Variants in RTRAF observed in about 807,000 individuals in gnomAD.
The protein encoded by RTRAF is RNA transcription, translation and transport factor, also known as tRNA-splicing ligase complex subunit RTRAF.
A neutral mutation model predicts 34.4 loss-of-function variants in RTRAF; 14 were observed. The observed-to-expected ratio is 0.41, with a 90% CI of 0.27 to 0.64. The LOEUF is 0.64. Among genes scored for constraint, RTRAF ranks in the 30% least tolerant of loss-of-function variants. The pLI, the probability that RTRAF is intolerant of heterozygous loss-of-function variation, is 0.34. For synonymous variants in RTRAF, 96 were observed against 95.3 expected, an observed-to-expected ratio of 1.01 and a Z score of -0.04; for missense variants, 291 against 288.4, an observed-to-expected ratio of 1.01 and a Z score of -0.06.
Position 52,005,401 on chromosome 14 carries a change from T to C in RTRAF, c.*885T>C. 7.4e-7 allele frequency: 1 copy of C among 1,357,434 alleles called. No homozygotes were observed. The highest frequency in any genetic ancestry group is 9.9e-7 in the Non-Finnish European group (1 of 1,014,700). The allele number at this position is 1,357,434 out of a possible 1,614,324, so 84.1% of individuals were successfully genotyped here. ...GGAACGTCTAATGGCCAATTCCTTT[T>C]TTACTTTCTTTGCCTTTGCAGTCAC... is the stretch of plus-strand genomic sequence containing the variant. On this transcript the variant is annotated 3_prime_UTR_variant, in exon 8 of 8. Transcript: ENST00000261700.
intron 3 of RTRAF, among the ~76,000 whole-genome samples, chr14:51,994,995 G>T (rs551282269): frequency 1.1e-4 from 16 of 151,038 alleles, no homozygotes; most frequent in Non-Finnish European, 2.1e-4. Context: ...TTATGTCTTA[G>T]CAGCAGTATA....
intron 3 of RTRAF, among the ~76,000 whole-genome samples, chr14:51,994,538 T>G (rs1890486997): frequency 6.6e-6 from 1 of 152,192 alleles, no homozygotes; most frequent in Non-Finnish European, 1.5e-5. Context: ...CCCATTGGCA[T>G]AATCCTAATT....
In RTRAF at chr14:51,998,461, T is replaced by C. The variant is rs745690303; in HGVS notation, c.287-33T>C. On this transcript the variant is annotated intron_variant, in intron 3 of 7. Coordinates refer to ENST00000261700, the MANE Select transcript of RTRAF (RefSeq NM_016039.3). ...GTAGTCATTTTACCTTGAGTTGCAG[T>C]TGTACAAATTATATTTTTGCCTGTT... The C allele has an allele frequency of 2.3e-6, 3 of 1,324,884 alleles. No individual in the cohort carries two copies. The African/African-American group carries it at 4.5e-5, about 20-fold the overall frequency. 82.1% of individuals were successfully genotyped at this position (1,324,884 alleles called of 1,614,324 possible).
chr14:52,009,772 G>A lies in RTRAF; in HGVS notation c.*5256G>A, dbSNP rs1594998102. On this transcript the variant is annotated 3_prime_UTR_variant, in exon 8 of 8. Coordinates refer to ENST00000261700, the MANE Select transcript of RTRAF (RefSeq NM_016039.3). ...GCACTTTGGGAGGCCAAGGCAGGTGGATCACCCAGGGTCAGGAGTTGGAGA... is the reference window on the plus strand; with the variant it reads ...GCACTTTGGGAGGCCAAGGCAGGTGAATCACCCAGGGTCAGGAGTTGGAGA... The A allele has an allele frequency of 1.3e-5, 2 of 152,306 alleles. No individual in the cohort carries two copies. Among genetic ancestry groups the A allele is most frequent in the South Asian group, 2.1e-4 (1 of 4,832 alleles). 9.4% of individuals were successfully genotyped at this position (152,306 alleles called of 1,614,324 possible).
intron 3 of RTRAF, 49 bp from the exon 4 acceptor site, chr14:51,998,445 T>G: frequency 3.5e-6 from 4 of 1,149,242 alleles, no homozygotes; most frequent in Non-Finnish European, 4.9e-6. Flanking sequence ...AGTAGTCATT[T>G]TACCTTGAGT....
At chr14:51,992,719 A>G (rs909012189) in intron 2 of RTRAF, among the ~76,000 whole-genome samples, 3 of 152,206 alleles carry the variant, frequency 2.0e-5, no homozygotes, top group Admixed American at 1.3e-4. Context: ...GCATGTAGAA[A>G]GGTATCTGGA....
chr14:51,989,597 C>G lies in RTRAF; in HGVS notation c.-43C>G, dbSNP rs1314474826. 6.4e-7 allele frequency: 1 copy of G among 1,563,556 alleles called. No individual in the cohort carries two copies. On this transcript the variant is annotated 5_prime_UTR_variant, in exon 1 of 8. Coordinates refer to ENST00000261700, the MANE Select transcript of RTRAF (RefSeq NM_016039.3). ...CCTCCCGCTCCACCTCGCTTCTTCT[C>G]TCCCGGCCGAGGCCCGGGGGACCAG...
rs977173402 is a variant in RTRAF, at chr14:51,999,772, T to A, written c.438T>A (p.His146Gln). Residue 146 changes from histidine to glutamine, a missense_variant, in exon 5 of 8, where the codon CAT becomes CAA. His to Gln is a conservative substitution (Grantham distance 24). Coordinates refer to ENST00000261700, the MANE Select transcript of RTRAF (RefSeq NM_016039.3). ...CTAACCTGCTTCAGATTCAGCGTCA[T>A]GATGATTACCTGGTAATGCTTAAGG... ...ALANLLQIQR[H>Q]DDYLVMLKAI... The A allele has an allele frequency of 3.7e-6, 6 of 1,610,460 alleles. No homozygotes were observed. The highest frequency in any genetic ancestry group is 5.1e-6 in the Non-Finnish European group (6 of 1,177,358).
intron 3 of RTRAF, among the ~76,000 whole-genome samples, chr14:51,997,458 C>T (rs1026117797): frequency 6.6e-6 from 1 of 151,800 alleles, no homozygotes; most frequent in Non-Finnish European, 1.5e-5. Context: ...CAGATTTGGC[C>T]AGTGGAAGCC....
At position 52,004,735 on chromosome 14, in the gene RTRAF, C is replaced by CTCCT; in HGVS notation, c.*221_*224dup. The CTCCT allele has an allele frequency of 2.3e-6, 1 of 433,766 alleles. No individual in the cohort carries two copies. The highest frequency in any genetic ancestry group is 4.0e-6 in the Non-Finnish European group (1 of 249,560). The allele number at this position is 433,766 out of a possible 1,614,324, so 26.9% of individuals were successfully genotyped here. On this transcript the variant is annotated 3_prime_UTR_variant, in exon 8 of 8. Transcript: ENST00000261700. ...CTGTATGTTTGCATAAATCACCTTT[C>CTCCT]TCCTTTGTGGTTAAGGCATATATGC...
rs750538133 is a variant in RTRAF at position 52,006,595 on chromosome 14, TGAG to T, written c.*2081_*2083del. On this transcript the variant is annotated 3_prime_UTR_variant, in exon 8 of 8. Transcript: ENST00000261700. ...TAGCTTACGATGCTGAAGGGGTACT[TGAG>T]GTTGTTTTGAATGACACGCCGTCCA... The T allele has an allele frequency of 1.9e-6, 3 of 1,613,694 alleles. No individual in the cohort carries two copies. Among genetic ancestry groups the T allele is most frequent in the Non-Finnish European group, 2.5e-6 (3 of 1,179,778 alleles).
intron 3 of RTRAF, 134 bp from the exon 4 acceptor site, chr14:51,998,360 T>C (rs34968560): frequency 0.087 from 45,516 of 526,012 alleles, 2,370 homozygotes; most frequent in Middle Eastern, 0.14. Context: ...AATTTAAAAT[T>C]GGAAATTATT....
chr14:51,993,889 A>C lies in RTRAF; in HGVS notation c.286+67A>C, dbSNP rs573828912. ...GATGGGAAAGGGAGTGTGAAAATGTAGGGAACTTTGCAGTTTGTTTTGTCT... is the reference window on the plus strand; with the variant it reads ...GATGGGAAAGGGAGTGTGAAAATGTCGGGAACTTTGCAGTTTGTTTTGTCT... On this transcript the variant is annotated intron_variant, in intron 3 of 7. Transcript: ENST00000261700. 5.0e-6 allele frequency: 5 copies of C among 991,426 alleles called. No homozygotes were observed. In the East Asian group the frequency reaches 1.3e-4, roughly 26 times the overall value. The allele number at this position is 991,426 out of a possible 1,614,324, so 61.4% of individuals were successfully genotyped here.
rs773352022 is a variant in RTRAF, at chr14:52,005,751, G to A, written c.*1235G>A. The A allele has an allele frequency of 1.9e-6, 3 of 1,612,110 alleles. No homozygotes were observed. The highest frequency in any genetic ancestry group is 2.5e-6 in the Non-Finnish European group (3 of 1,178,250). On this transcript the variant is annotated 3_prime_UTR_variant, in exon 8 of 8. Transcript: ENST00000261700. ...ATACTTTTTACCTGTTGGGCAGTAG[G>A]GGTAGACTGCAGTTATCCCGTAGAG...
intron 3 of RTRAF, among the ~76,000 whole-genome samples, chr14:51,997,607 T>G (rs1890540317): frequency 6.6e-6 from 1 of 151,870 alleles, no homozygotes; most frequent in Non-Finnish European, 1.5e-5. Flanking sequence ...ATTTTTGAAT[T>G]CCTTTGAAGT....
In RTRAF at chr14:52,005,804, A is replaced by G. The variant is rs1290389612; in HGVS notation, c.*1288A>G. 3.1e-6 allele frequency: 5 copies of G among 1,613,960 alleles called. No homozygotes were observed. Among genetic ancestry groups the G allele is most frequent in the Non-Finnish European group, 4.2e-6 (5 of 1,179,806 alleles). Reference sequence around the variant, plus strand: ...GAGATCGTTGTTCTGGGAGATACTCATCAGTAAACTGGCCACTATGTTTAT... The same window carrying G: ...GAGATCGTTGTTCTGGGAGATACTCGTCAGTAAACTGGCCACTATGTTTAT... On this transcript the variant is annotated 3_prime_UTR_variant, in exon 8 of 8. Transcript: ENST00000261700.
In RTRAF at chr14:52,005,909, TCAGC is replaced by T. The variant is rs1890760453; in HGVS notation, c.*1396_*1399del. 9.2e-7 allele frequency: 1 copy of T among 1,088,244 alleles called. No homozygotes were observed. The highest frequency in any genetic ancestry group is 1.7e-5 in the African/African-American group (1 of 57,162). The allele number at this position is 1,088,244 out of a possible 1,614,324, so 67.4% of individuals were successfully genotyped here. On this transcript the variant is annotated 3_prime_UTR_variant, in exon 8 of 8. Coordinates refer to ENST00000261700, the MANE Select transcript of RTRAF (RefSeq NM_016039.3). ...GTCATTTACTAGATAAAGAAGTCAG[TCAGC>T]CACAGAAAATCAGTTGCAATAGAGG...
In RTRAF at chr14:52,001,794, T is replaced by A; in HGVS notation, c.463-4T>A. The A allele has an allele frequency of 6.2e-7, 1 of 1,611,466 alleles. No individual in the cohort carries two copies. The highest frequency in any genetic ancestry group is 8.5e-7 in the Non-Finnish European group (1 of 1,179,012). On this transcript the variant is annotated splice_region_variant and splice_polypyrimidine_tract_variant and intron_variant, in intron 5 of 7. Transcript: ENST00000261700. ...AAAAGTAAAAATATTTTTGGGTTTCTTAGGCAATTCGGATTTTGGTTCAGG... is the reference window on the plus strand; with the variant it reads ...AAAAGTAAAAATATTTTTGGGTTTCATAGGCAATTCGGATTTTGGTTCAGG...
rs1163054048 is a variant in RTRAF at position 52,005,843 on chromosome 14, A to ACCATCCCTGGTAACAGAAAGG, written c.*1328_*1348dup. ...CACTATGTTTATTTACTGATACAACACCATCCCTGGTAACAGAAAGGAAGA... is the reference window on the plus strand; with the variant it reads ...CACTATGTTTATTTACTGATACAACACCATCCCTGGTAACAGAAAGGCCATCCCTGGTAACAGAAAGGAAGA... On this transcript the variant is annotated 3_prime_UTR_variant, in exon 8 of 8. Coordinates refer to ENST00000261700, the MANE Select transcript of RTRAF (RefSeq NM_016039.3). The ACCATCCCTGGTAACAGAAAGG allele has an allele frequency of 6.2e-7, 1 of 1,605,944 alleles. No individual in the cohort carries two copies. Among genetic ancestry groups the ACCATCCCTGGTAACAGAAAGG allele is most frequent in the Non-Finnish European group, 8.5e-7 (1 of 1,172,586 alleles).
Sources: gnomAD v4.1 joint callset for allele counts (sites outside exome capture counted in the v4.1 genomes callset) on GRCh38, gnomAD v4.1.1 for gene constraint, MANE v1.5 for transcripts, NCBI Gene and HGNC (gene_info 2026-07-23, HGNC 2026-07-21) for gene names.